The following LOC128092252 variants were observed in gnomAD, a reference collection of about 807,000 sequenced individuals.
At chr15:50,658,530 C>A in the LOC128092252 span, among the ~76,000 whole-genome samples, 5 of 151,386 alleles carry the variant, frequency 3.3e-5, no homozygotes, top group Non-Finnish European at 7.4e-5. Flanking sequence ...TGATCATGCC[C>A]CACTGCACTC....
the LOC128092252 span, among the ~76,000 whole-genome samples, chr15:50,672,252 C>T: frequency 7.2e-4 from 109 of 151,988 alleles, no homozygotes; most frequent in Non-Finnish European, 1.3e-3. Flanking sequence ...ACATTTTCAC[C>T]ATGTTAGCCA....
the LOC128092252 span, among the ~76,000 whole-genome samples, chr15:50,672,410 G>T: frequency 2.0e-5 from 3 of 151,554 alleles, no homozygotes; most frequent in Non-Finnish European, 4.4e-5. Flanking sequence ...GGTCCTTCAG[G>T]AAGTATTCCA....
the LOC128092252 span, among the ~76,000 whole-genome samples, chr15:50,650,940 G>C: frequency 6.6e-6 from 1 of 152,164 alleles, no homozygotes; most frequent in African/African-American, 2.4e-5. Context: ...TGTAATCCTA[G>C]TATTTTTGAA....
chr15:50,683,350 A>C, the LOC128092252 span, among the ~76,000 whole-genome samples: 1 of 152,144 alleles, frequency 6.6e-6, no homozygotes. Flanking sequence ...CTACTACAAA[A>C]ACTACTACAT....
the LOC128092252 span, among the ~76,000 whole-genome samples, chr15:50,672,774 G>A: frequency 1.3e-5 from 2 of 151,198 alleles, no homozygotes; most frequent in Non-Finnish European, 2.9e-5. Context: ...GCCAAGTGTG[G>A]TGGCGGATGC....
At chr15:50,669,501 T>C in the LOC128092252 span, among the ~76,000 whole-genome samples, 1 of 152,294 alleles carries the variant, frequency 6.6e-6, no homozygotes, top group African/African-American at 2.4e-5. Context: ...AGATTCCTTA[T>C]GGAACAGAGT....
At chr15:50,658,362 C>G in the LOC128092252 span, among the ~76,000 whole-genome samples, 1 of 151,428 alleles carries the variant, frequency 6.6e-6, no homozygotes, top group South Asian at 2.1e-4. Context: ...TGCTTGAGTC[C>G]AGGAGTTTAA....
the LOC128092252 span, chr15:50,686,672 G>T: frequency 8.6e-7 from 1 of 1,168,890 alleles, no homozygotes; most frequent in Non-Finnish European, 1.2e-6. Flanking sequence ...AACCTTCTCA[G>T]AACTAACTCA....
the LOC128092252 span, among the ~76,000 whole-genome samples, chr15:50,683,456 CA>C: frequency 0.023 from 3,530 of 151,828 alleles, 62 homozygotes; most frequent in Non-Finnish European, 0.037. Context: ...AAAAAGAAGC[CA>C]GGGTCAGTGG....
the LOC128092252 span, chr15:50,662,869 ATAATT>A: frequency 2.3e-6 from 2 of 872,904 alleles, no homozygotes; most frequent in Admixed American, 2.5e-5. Flanking sequence ...GTAAGTACAA[ATAATT>A]TATTTAGTGG....
chr15:50,661,918 T>C, the LOC128092252 span, among the ~76,000 whole-genome samples: 1 of 152,158 alleles, frequency 6.6e-6, no homozygotes, highest in African/African-American at 2.4e-5. Flanking sequence ...TCTTTAGGCC[T>C]CAGAAAAAAG....
chr15:50,649,437 C>CAAAAAA, the LOC128092252 span, among the ~76,000 whole-genome samples: 1 of 92,792 alleles, frequency 1.1e-5, no homozygotes. Context: ...GACCCCAACT[C>CAAAAAA]AAAAAAAAAA....
the LOC128092252 span, among the ~76,000 whole-genome samples, chr15:50,678,158 G>A: frequency 4.0e-5 from 6 of 148,414 alleles, 1 homozygote; most frequent in Middle Eastern, 6.5e-3. Context: ...GGAGGATGGC[G>A]TGAACCCAAG....
At chr15:50,656,022 C>T in the LOC128092252 span, among the ~76,000 whole-genome samples, 1 of 150,208 alleles carries the variant, frequency 6.7e-6, no homozygotes, top group African/African-American at 2.4e-5. Context: ...AAAAAAAAAA[C>T]CCCTGCTGCA....
chr15:50,674,529 G>A, the LOC128092252 span, among the ~76,000 whole-genome samples: 2 of 152,100 alleles, frequency 1.3e-5, no homozygotes, highest in African/African-American at 4.8e-5. Context: ...ATTTTTAATG[G>A]TTTTTGTCTT....
At chr15:50,666,371 C>T in the LOC128092252 span, among the ~76,000 whole-genome samples, 1 of 151,766 alleles carries the variant, frequency 6.6e-6, no homozygotes, top group East Asian at 1.9e-4. Context: ...ACCCAGGGAG[C>T]TCGAGGCTGC....
the LOC128092252 span, among the ~76,000 whole-genome samples, chr15:50,664,809 C>G: frequency 1.3e-5 from 2 of 151,918 alleles, no homozygotes; most frequent in East Asian, 3.9e-4. Flanking sequence ...AAAAATTAAA[C>G]AGTCAGCCGG....
chr15:50,652,550 T>A, the LOC128092252 span, among the ~76,000 whole-genome samples: 1 of 148,320 alleles, frequency 6.7e-6, no homozygotes, highest in East Asian at 2.0e-4. Context: ...AAATCATTAA[T>A]ACACCTTTCC....
At chr15:50,675,298 A>G in the LOC128092252 span, among the ~76,000 whole-genome samples, 1 of 151,950 alleles carries the variant, frequency 6.6e-6, no homozygotes, top group South Asian at 2.1e-4. Context: ...AGCCAAGATC[A>G]CGCCATTGCA....
Sources: gnomAD v4.1 joint callset for allele counts (sites outside exome capture counted in the v4.1 genomes callset) on GRCh38, gnomAD v4.1.1 for gene constraint, MANE v1.5 for transcripts.